SLC10A7: variants seen among roughly 807,000 people sequenced by gnomAD.
SLC10A7 encodes the protein solute carrier family 10 member 7.
In SLC10A7, 29 loss-of-function variants were observed where a neutral mutation model predicts 43.2. The ratio of observed to expected loss-of-function variants is 0.67; its 90% CI spans 0.50 to 0.92. The LOEUF is 0.92. SLC10A7 is among the 40% of genes least tolerant of loss of function. The pLI, the probability that SLC10A7 is intolerant of heterozygous loss-of-function variation, is 0.00. For missense variants in SLC10A7, 295 were observed against 403.2 expected (o/e 0.73, Z 2.30); for synonymous variants, 152 against 144.8 (o/e 1.05, Z -0.35).
chr4:146,393,820 A>AG (rs141394342), intron 5 of SLC10A7, among the ~76,000 whole-genome samples: 2,771 of 152,312 alleles, frequency 0.018, 101 homozygotes, highest in African/African-American at 0.062. Context: ...GTATGAAACT[A>AG]GTCTTTAGGG....
At chr4:146,287,754 A>C (rs1365395502) in intron 9 of SLC10A7, among the ~76,000 whole-genome samples, 8 of 152,196 alleles carry the variant, frequency 5.3e-5, no homozygotes, top group African/African-American at 1.9e-4. Flanking sequence ...AGCACTTCAA[A>C]AACTTTGTCT....
intron 5 of SLC10A7, among the ~76,000 whole-genome samples, chr4:146,350,347 G>A (rs562267924): frequency 4.6e-4 from 69 of 151,156 alleles, no homozygotes; most frequent in Admixed American, 4.3e-3. Flanking sequence ...GGCGCACCAC[G>A]AGACTATATC....
chr4:146,485,818 G>A (rs529883424), intron 4 of SLC10A7, among the ~76,000 whole-genome samples: 2 of 152,256 alleles, frequency 1.3e-5, no homozygotes, highest in South Asian at 4.2e-4. Flanking sequence ...CTAGCATGGT[G>A]AAGACCTGGT....
intron 5 of SLC10A7, among the ~76,000 whole-genome samples, chr4:146,398,863 C>G (rs539480600): frequency 2.8e-4 from 43 of 152,262 alleles, no homozygotes; most frequent in African/African-American, 9.4e-4. Context: ...AAAAATGGTT[C>G]ATTTATTCTA....
chr4:146,356,049 A>ATATAT lies in SLC10A7; in HGVS notation c.436-30054_436-30053insATATA, dbSNP rs1329984795. ...AAACTTAAAGTATAATAAAAAAAAA[A>ATATAT]AAATATATATATATATATACATATA... On this transcript the variant is annotated intron_variant, in intron 5 of 11. Coordinates refer to ENST00000335472, the MANE Select transcript of SLC10A7 (RefSeq NM_001029998.6). 8.6e-4 allele frequency among the ~76,000 whole-genome samples: 104 copies of ATATAT among 120,432 alleles called. 1 individual carries two copies. The highest frequency in any genetic ancestry group is 4.7e-3 in the South Asian group (16 of 3,432). 79.0% of individuals were successfully genotyped at this position (120,432 alleles called of 152,430 possible).
intron 9 of SLC10A7, among the ~76,000 whole-genome samples, chr4:146,284,872 A>C (rs1560761606): frequency 6.6e-6 from 1 of 152,170 alleles, no homozygotes; most frequent in Non-Finnish European, 1.5e-5. Flanking sequence ...AGCACTACAG[A>C]CATACATGAG....
intron 10 of SLC10A7, among the ~76,000 whole-genome samples, chr4:146,280,452 G>A (rs1472654526): frequency 6.6e-6 from 1 of 152,138 alleles, no homozygotes; most frequent in Non-Finnish European, 1.5e-5. Context: ...GGATCAAGCA[G>A]TATGTGAGAA....
chr4:146,470,786 T>C (rs1490851489), intron 4 of SLC10A7, among the ~76,000 whole-genome samples: 2 of 152,232 alleles, frequency 1.3e-5, no homozygotes, highest in African/African-American at 2.4e-5. Context: ...GACTCTGAAA[T>C]TCCTCTTTGC....
rs916486681 is a variant in SLC10A7, at chr4:146,477,107, G to C, written c.396+26742C>G. Among the ~76,000 whole-genome samples the C allele has an allele frequency of 2.0e-5, 3 of 152,170 alleles. No individual in the cohort carries two copies. In the East Asian group the frequency reaches 5.8e-4, roughly 29 times the overall value. On this transcript the variant is annotated intron_variant, in intron 4 of 11. Transcript: ENST00000335472. The stretch of plus-strand genomic sequence containing the variant: ...TCCTCAAGGAATTAAAAGAAGCCTT[G>C]ACCACTACACAAAGAATATGAAATC...
At chr4:146,480,602 G>A (rs974665198) in intron 4 of SLC10A7, among the ~76,000 whole-genome samples, 2 of 151,860 alleles carry the variant, frequency 1.3e-5, no homozygotes, top group Non-Finnish European at 2.9e-5. Context: ...ATGAAGGCTG[G>A]TATATAATAC....
At chr4:146,407,748 C>G (rs1275642306) in intron 5 of SLC10A7, among the ~76,000 whole-genome samples, 1 of 152,124 alleles carries the variant, frequency 6.6e-6, no homozygotes, top group Non-Finnish European at 1.5e-5. Context: ...CAACAATATG[C>G]CCAATCTAGG....
At chr4:146,261,813 G>A (rs917846947) in intron 10 of SLC10A7, among the ~76,000 whole-genome samples, 8 of 152,176 alleles carry the variant, frequency 5.3e-5, no homozygotes, top group African/African-American at 1.9e-4. Context: ...CAGAGGTCAT[G>A]GTCCAAGTCT....
At position 146,256,876 on chromosome 4, in the gene SLC10A7, G is replaced by T. The variant is rs530641752; in HGVS notation, c.994-356C>A. On this transcript the variant is annotated intron_variant, in intron 11 of 11. Coordinates refer to ENST00000335472, the MANE Select transcript of SLC10A7 (RefSeq NM_001029998.6). ...TTTTAATGCCCAAATTTGATGGATA[G>T]ATATTCCAAGCCTTCTGGATTATTC... is the stretch of plus-strand genomic sequence containing the variant. 3.0e-5 allele frequency: 46 copies of T among 1,536,354 alleles called. No individual in the cohort carries two copies. The African/African-American group carries it at 5.3e-4, about 18-fold the overall frequency.
chr4:146,320,198 T>C (rs1221826098), intron 6 of SLC10A7, among the ~76,000 whole-genome samples: 2 of 152,058 alleles, frequency 1.3e-5, no homozygotes, highest in Non-Finnish European at 2.9e-5. Flanking sequence ...CCAGTCAGCA[T>C]GGTAGTATGT....
intron 5 of SLC10A7, among the ~76,000 whole-genome samples, chr4:146,412,170 T>C (rs563979960): frequency 6.6e-6 from 1 of 152,142 alleles, no homozygotes; most frequent in East Asian, 1.9e-4. Context: ...AAAAATTACG[T>C]GATAGAATAT....
At chr4:146,502,100 A>C (rs1736471739) in intron 4 of SLC10A7, among the ~76,000 whole-genome samples, 1 of 152,242 alleles carries the variant, frequency 6.6e-6, no homozygotes, top group South Asian at 2.1e-4. Context: ...CAAGAGAGCT[A>C]ATAGACATTT....
intron 5 of SLC10A7, among the ~76,000 whole-genome samples, chr4:146,339,948 G>C (rs981829668): frequency 3.3e-5 from 5 of 151,282 alleles, no homozygotes; most frequent in Admixed American, 3.3e-4. Context: ...GCATGCATTA[G>C]ATATTTGTCC....
chr4:146,461,172 G>A (rs1430861243), intron 4 of SLC10A7, among the ~76,000 whole-genome samples: 2 of 151,930 alleles, frequency 1.3e-5, no homozygotes, highest in Non-Finnish European at 2.9e-5. Context: ...AAGATGGTAA[G>A]GATTTCATAT....
chr4:146,461,145 T>C (rs1002884528), intron 4 of SLC10A7, among the ~76,000 whole-genome samples: 1 of 151,994 alleles, frequency 6.6e-6, no homozygotes, highest in African/African-American at 2.4e-5. Context: ...AAGATACCCT[T>C]GTTTCACATT....
Sources: gnomAD v4.1 joint callset for allele counts (sites outside exome capture counted in the v4.1 genomes callset) on GRCh38, gnomAD v4.1.1 for gene constraint, MANE v1.5 for transcripts, NCBI Gene and HGNC (gene_info 2026-07-23, HGNC 2026-07-21) for gene names.